The following CGNL1 variants were observed in gnomAD, a reference collection of about 807,000 sequenced individuals.
CGNL1 encodes cingulin like 1.
Under a neutral mutation model 141.2 loss-of-function variants are expected in CGNL1, and 132 were observed. The ratio of observed to expected loss-of-function variants is 0.93; its 90% CI spans 0.81 to 1.08. CGNL1 has a LOEUF of 1.08. Ranked by LOEUF, CGNL1 falls within the 50% of genes least tolerant of loss-of-function variation. The pLI is 0.00. For missense variants in CGNL1, 1,870 were observed against 1,588.6 expected, an observed-to-expected ratio of 1.18 and a Z score of -3.01; for synonymous variants, 690 against 622.1, an observed-to-expected ratio of 1.11 and a Z score of -1.63.
rs1341017987 is a variant in CGNL1, at chr15:57,516,875, G to A, written c.2499G>A (p.Lys833=). ...AGCTTCTGCAGGAGGAGAATGAGAAGCTGCAGGGAAGAAGCGAAGAGCTGG... is the reference window on the plus strand; with the variant it reads ...AGCTTCTGCAGGAGGAGAATGAGAAACTGCAGGGAAGAAGCGAAGAGCTGG... ...RVKLLQEENE[K]LQGRSEELER... Residue 833 remains lysine, a synonymous_variant, in exon 9 of 19, where the codon AAG becomes AAA. Transcript: ENST00000281282. The A allele has an allele frequency of 2.5e-6, 4 of 1,614,062 alleles. No individual in the cohort carries two copies. In the African/African-American group the frequency reaches 4.0e-5, roughly 16 times the overall value.
chr15:57,530,433 CG>C (rs2031885357), intron 13 of CGNL1, among the ~76,000 whole-genome samples: 1 of 152,166 alleles, frequency 6.6e-6, no homozygotes, highest in South Asian at 2.1e-4. Context: ...CAAGCAGGAC[CG>C]TCTTGCTGTG....
chr15:57,540,077 G>C (rs532830058), intron 14 of CGNL1, among the ~76,000 whole-genome samples: 2 of 152,154 alleles, frequency 1.3e-5, no homozygotes, highest in Admixed American at 1.3e-4. Flanking sequence ...TCCATCGATT[G>C]CTTAACCTGC....
chr15:57,404,001 TACCTTGAGCTAGTGCTGGGTGTCA>T (rs2062688036), intron 1 of CGNL1, among the ~76,000 whole-genome samples: 1 of 152,128 alleles, frequency 6.6e-6, no homozygotes. Context: ...GCCCAGGGAG[TACCTTGAGCTAGTGCTGGGTGTCA>T]GACTTGACTT....
intron 8 of CGNL1, chr15:57,477,764 T>G (rs1306070060): frequency 6.6e-6 from 1 of 152,458 alleles, no homozygotes; most frequent in Non-Finnish European, 1.5e-5. Context: ...CCCGTCCCAT[T>G]GTGAACTGTT....
intron 8 of CGNL1, among the ~76,000 whole-genome samples, chr15:57,486,177 C>T (rs1208526865): frequency 6.6e-6 from 1 of 152,146 alleles, no homozygotes; most frequent in East Asian, 1.9e-4. Context: ...AGGCCTGAAA[C>T]TTCACTTCTT....
Position 57,439,036 on chromosome 15 carries a change from A to T in CGNL1, c.1037A>T (p.Asp346Val), listed in dbSNP as rs759120173. The change falls in exon 2 of 19, where the codon GAT (aspartate) becomes GTT (valine). Residue 346 changes from aspartate (D) to valine (V), a missense_variant. Transcript: ENST00000281282. ...PFLPGTGRDIDTGSIPGVDQL... is the reference protein window; with the variant it reads ...PFLPGTGRDIVTGSIPGVDQL... Reference sequence around the variant, plus strand: ...CTGCCAGGAACTGGACGGGATATTGATACAGGATCAATTCCTGGTGTGGAT... The same window carrying T: ...CTGCCAGGAACTGGACGGGATATTGTTACAGGATCAATTCCTGGTGTGGAT... 12 of 1,614,114 alleles carry T rather than the reference A, an allele frequency of 7.4e-6. No homozygotes were observed. The African/African-American group carries it at 1.5e-4, about 20-fold the overall frequency.
chr15:57,410,755 A>T (rs1664439), intron 1 of CGNL1, among the ~76,000 whole-genome samples: 1 of 152,124 alleles, frequency 6.6e-6, no homozygotes, highest in Admixed American at 6.5e-5. Context: ...CATGCTTATG[A>T]GGAGTGCCCT....
At chr15:57,432,892 G>A (rs1383672905) in intron 1 of CGNL1, among the ~76,000 whole-genome samples, 1 of 152,212 alleles carries the variant, frequency 6.6e-6, no homozygotes, top group Non-Finnish European at 1.5e-5. Flanking sequence ...AGCTAAGATT[G>A]TAATAAGCCA....
At chr15:57,473,634 C>G (rs975097669) in intron 8 of CGNL1, among the ~76,000 whole-genome samples, 1 of 152,140 alleles carries the variant, frequency 6.6e-6, no homozygotes, top group African/African-American at 2.4e-5. Context: ...TTCCTCCTTG[C>G]TTTCTCATGG....
intron 1 of CGNL1, among the ~76,000 whole-genome samples, chr15:57,423,227 G>C (rs2062935719): frequency 6.6e-6 from 1 of 152,156 alleles, no homozygotes; most frequent in Admixed American, 6.5e-5. Flanking sequence ...ACAGGCAACA[G>C]CCAGAGGAAG....
intron 1 of CGNL1, among the ~76,000 whole-genome samples, chr15:57,414,951 T>G (rs1166420224): frequency 6.6e-6 from 1 of 152,208 alleles, no homozygotes; most frequent in African/African-American, 2.4e-5. Flanking sequence ...TAAATCCCAT[T>G]CCACCACTTA....
chr15:57,486,914 G>C (rs534771287), intron 8 of CGNL1, among the ~76,000 whole-genome samples: 1 of 152,316 alleles, frequency 6.6e-6, no homozygotes, highest in South Asian at 2.1e-4. Flanking sequence ...ATTGGGAGTG[G>C]TGTTTTAGAA....
chr15:57,537,082 G>T (rs544276780), intron 14 of CGNL1, among the ~76,000 whole-genome samples: 1 of 152,262 alleles, frequency 6.6e-6, no homozygotes, highest in East Asian at 1.9e-4. Flanking sequence ...GTGCTGGCTC[G>T]ATAAGCACTG....
chr15:57,396,277 G>GTTTTTTTTTTTTTTTTTTTTT (rs57154500), intron 1 of CGNL1, among the ~76,000 whole-genome samples: 3 of 129,218 alleles, frequency 2.3e-5, no homozygotes, highest in African/African-American at 8.8e-5. Flanking sequence ...TTCTTTCTTT[G>GTTTTTTTTTTTTTTTTTTTTT]TTTTTTTTTT....
In CGNL1 at chr15:57,497,456, C is replaced by T. The variant is rs530375513; in HGVS notation, c.2404-19324C>T. On this transcript the variant is annotated intron_variant, in intron 8 of 18. Transcript: ENST00000281282. ...GCGTCTGGCATGTGTCTCTTGGCCT[C>T]AGCAGGGGAAAAAGAATAAAGACAC... is the stretch of plus-strand genomic sequence containing the variant. Among the ~76,000 whole-genome samples the T allele has an allele frequency of 4.6e-5, 7 of 152,288 alleles. No individual in the cohort carries two copies. In the East Asian group the frequency reaches 7.7e-4, roughly 17 times the overall value.
chr15:57,485,322 T>C (rs562797949), intron 8 of CGNL1, among the ~76,000 whole-genome samples: 228 of 152,302 alleles, frequency 1.5e-3, no homozygotes, highest in African/African-American at 5.1e-3. Context: ...GCTCAGGATA[T>C]GGTTTATCTT....
chr15:57,428,031 C>T (rs1448706736), intron 1 of CGNL1, among the ~76,000 whole-genome samples: 1 of 151,838 alleles, frequency 6.6e-6, no homozygotes, highest in East Asian at 1.9e-4. Context: ...GAGCTGTGTA[C>T]ATTGAGCATG....
chr15:57,423,947 C>T (rs547691877), intron 1 of CGNL1, among the ~76,000 whole-genome samples: 13 of 152,376 alleles, frequency 8.5e-5, no homozygotes, highest in African/African-American at 3.1e-4. Context: ...GAGCTCCATC[C>T]TCGCTTCTCC....
chr15:57,530,619 C>T (rs182649880), intron 13 of CGNL1, among the ~76,000 whole-genome samples: 56 of 152,248 alleles, frequency 3.7e-4, no homozygotes, highest in Admixed American at 3.0e-3. Flanking sequence ...CATCAGGAAC[C>T]ACTGAATAAA....
Sources: allele counts gnomAD v4.1 joint callset (sites outside exome capture counted in the v4.1 genomes callset), GRCh38; gene constraint gnomAD v4.1.1; transcripts MANE v1.5; gene names NCBI Gene and HGNC (gene_info 2026-07-23, HGNC 2026-07-21).